ARL8B: variants seen among roughly 807,000 people sequenced by gnomAD.
ARL8B encodes the protein ARF like GTPase 8B.
ARL8B carries 9 observed loss-of-function variants against 30.6 expected under a neutral mutation model. The observed-to-expected ratio is 0.29, with a 90% CI of 0.18 to 0.51. The LOEUF is 0.51. Among genes scored for constraint, ARL8B ranks in the 20% least tolerant of loss-of-function variants. The pLI, the probability that ARL8B is intolerant of heterozygous loss-of-function variation, is 0.97. For missense variants in ARL8B, 130 were observed against 227.2 expected (o/e 0.57, Z 2.75); for synonymous variants, 74 against 76.0 (o/e 0.97, Z 0.14).
intron 1 of ARL8B, among the ~76,000 whole-genome samples, chr3:5,155,826 C>A (rs888258735): frequency 6.8e-6 from 1 of 146,046 alleles, no homozygotes; most frequent in Non-Finnish European, 1.5e-5. Flanking sequence ...ACATAGTTTT[C>A]TTGCATTTTT....
intron 1 of ARL8B, among the ~76,000 whole-genome samples, chr3:5,155,825 T>C (rs1015917576): frequency 2.0e-5 from 3 of 148,754 alleles, no homozygotes; most frequent in Non-Finnish European, 4.4e-5. Flanking sequence ...TACATAGTTT[T>C]CTTGCATTTT....
chr3:5,136,802 C>A (rs1287311629), intron 1 of ARL8B, among the ~76,000 whole-genome samples: 1 of 152,068 alleles, frequency 6.6e-6, no homozygotes, highest in Non-Finnish European at 1.5e-5. Flanking sequence ...TTTTCTTTGC[C>A]TGTGATGCTT....
At position 5,170,589 on chromosome 3, in the gene ARL8B, T is replaced by C; in HGVS notation, c.204+6T>C. On this transcript the variant is annotated splice_donor_region_variant and intron_variant, in intron 2 of 6. Transcript: ENST00000256496. Reference sequence around the variant, plus strand: ...AAGGTAACGTCACAATAAAGGTAAGTTATTTCTTGCCGTACGCAATTTAAA... The same window carrying C: ...AAGGTAACGTCACAATAAAGGTAAGCTATTTCTTGCCGTACGCAATTTAAA... The C allele has an allele frequency of 6.2e-7, 1 of 1,603,108 alleles. No individual in the cohort carries two copies. The highest frequency in any genetic ancestry group is 8.5e-7 in the Non-Finnish European group (1 of 1,171,228).
chr3:5,176,948 A>G (rs1463685812), intron 6 of ARL8B, among the ~76,000 whole-genome samples: 2 of 152,228 alleles, frequency 1.3e-5, no homozygotes, highest in African/African-American at 2.4e-5. Context: ...GTAGCTAAAC[A>G]TACTATAACC....
chr3:5,171,162 C>G (rs1409183477), intron 2 of ARL8B, among the ~76,000 whole-genome samples: 1 of 152,068 alleles, frequency 6.6e-6, no homozygotes, highest in African/African-American at 2.4e-5. Context: ...TAATGAAGTT[C>G]CAGATTTAGT....
chr3:5,139,850 G>A (rs936039366), intron 1 of ARL8B, among the ~76,000 whole-genome samples: 1 of 152,180 alleles, frequency 6.6e-6, no homozygotes, highest in Non-Finnish European at 1.5e-5. Flanking sequence ...TTCAATTCCT[G>A]CAGGGTATCC....
In ARL8B at chr3:5,162,801, C is replaced by T. The variant is rs117195717; in HGVS notation, c.124-7702C>T. On this transcript the variant is annotated intron_variant, in intron 1 of 6. Transcript: ENST00000256496. ...TACTATGGATTCAGTGGAACATGGG[C>T]GGGTCTGTTCCATGGGTATATTTTG... Among the ~76,000 whole-genome samples, 379 of 152,140 alleles carry T rather than the reference C, an allele frequency of 2.5e-3. 8 individuals are homozygous for T. The highest frequency in any genetic ancestry group is 0.02 in the East Asian group (105 of 5,178).
intron 1 of ARL8B, among the ~76,000 whole-genome samples, chr3:5,157,177 A>T (rs1462958761): frequency 6.6e-6 from 1 of 152,190 alleles, no homozygotes; most frequent in East Asian, 1.9e-4. Context: ...ATTTCTGGCT[A>T]TGTGCCACAC....
chr3:5,157,503 A>T (rs1441891581), intron 1 of ARL8B, among the ~76,000 whole-genome samples: 2 of 152,050 alleles, frequency 1.3e-5, no homozygotes, highest in Non-Finnish European at 2.9e-5. Context: ...AAAACCCCCA[A>T]AGCAACACAG....
chr3:5,143,674 G>A (rs2054395341), intron 1 of ARL8B, among the ~76,000 whole-genome samples: 2 of 152,260 alleles, frequency 1.3e-5, no homozygotes, highest in Admixed American at 6.5e-5. Flanking sequence ...GTTGGGTGGA[G>A]CTTGTCTTCT....
At chr3:5,139,940 A>G (rs1418842669) in intron 1 of ARL8B, among the ~76,000 whole-genome samples, 9 of 151,000 alleles carry the variant, frequency 6.0e-5, no homozygotes, top group African/African-American at 9.7e-5. Flanking sequence ...TTTCAGGGGT[A>G]GCAATGGTCA....
chr3:5,127,700 C>T (rs927658754), intron 1 of ARL8B, among the ~76,000 whole-genome samples: 1 of 151,704 alleles, frequency 6.6e-6, no homozygotes, highest in Non-Finnish European at 1.5e-5. Flanking sequence ...GGTGAAACCC[C>T]GTCTCTACTA....
chr3:5,141,431 G>T (rs2054372240), intron 1 of ARL8B, among the ~76,000 whole-genome samples: 1 of 152,072 alleles, frequency 6.6e-6, no homozygotes. Context: ...TATTTTGCTG[G>T]TAACTTATTG....
chr3:5,155,632 C>A lies in ARL8B; in HGVS notation c.124-14871C>A, dbSNP rs374117607. On this transcript the variant is annotated intron_variant, in intron 1 of 6. Transcript: ENST00000256496. ...CTGACTCAGACTGAATAATTAATTC[C>A]ATTTGTCCTATCCTCAGGTTTGTTG... Among the ~76,000 whole-genome samples, 934 of 151,418 alleles carry A rather than the reference C, an allele frequency of 6.2e-3. 9 individuals carry two copies. Among genetic ancestry groups the A allele is most frequent in the Non-Finnish European group, 0.011 (715 of 67,904 alleles).
intron 1 of ARL8B, among the ~76,000 whole-genome samples, chr3:5,156,666 T>G (rs1046156654): frequency 1.3e-5 from 2 of 152,220 alleles, no homozygotes; most frequent in Non-Finnish European, 2.9e-5. Context: ...TCCACCCGCC[T>G]TGGCCTCCCA....
intron 1 of ARL8B, among the ~76,000 whole-genome samples, chr3:5,150,054 T>C (rs1195638094): frequency 1.3e-5 from 2 of 152,210 alleles, no homozygotes; most frequent in East Asian, 1.9e-4. Flanking sequence ...CTTTTGAATA[T>C]TGTGAGCTAC....
intron 1 of ARL8B, among the ~76,000 whole-genome samples, chr3:5,163,577 A>G (rs1029486741): frequency 1.3e-5 from 2 of 152,192 alleles, no homozygotes; most frequent in African/African-American, 4.8e-5. Flanking sequence ...TAGCACTTTA[A>G]AAAGACTGCT....
chr3:5,152,602 A>C (rs975377009), intron 1 of ARL8B, among the ~76,000 whole-genome samples: 1 of 152,166 alleles, frequency 6.6e-6, no homozygotes, highest in African/African-American at 2.4e-5. Flanking sequence ...CTCCCACCTC[A>C]GCCATTTGAG....
intron 1 of ARL8B, among the ~76,000 whole-genome samples, chr3:5,133,955 C>T (rs1363036253): frequency 6.6e-6 from 1 of 151,790 alleles, no homozygotes; most frequent in East Asian, 1.9e-4. Flanking sequence ...CACAGCACAC[C>T]CCACACCCCT....
Sources: allele counts gnomAD v4.1 joint callset (sites outside exome capture counted in the v4.1 genomes callset), GRCh38; gene constraint gnomAD v4.1.1; transcripts MANE v1.5; gene names NCBI Gene and HGNC (gene_info 2026-07-23, HGNC 2026-07-21).